FAAH2: variants seen among roughly 807,000 people sequenced by gnomAD.
FAAH2 encodes the protein fatty-acid amide hydrolase 2.
A neutral mutation model predicts 36.9 loss-of-function variants in FAAH2; 60 were observed. That is an observed-to-expected ratio of 1.63 (90% CI 1.32 to 2.02). The LOEUF is 2.02. Ranked by LOEUF, FAAH2 falls within the 30% of genes most tolerant of loss-of-function variation. The probability of loss-of-function intolerance (pLI) is 0.00; values close to 1 mark genes in which losing one functional copy is unlikely to be tolerated. For missense variants in FAAH2, 689 were observed against 397.5 expected, an observed-to-expected ratio of 1.73 and a Z score of -6.23; for synonymous variants, 214 against 143.8, an observed-to-expected ratio of 1.49 and a Z score of -3.49.
intron 5 of FAAH2, among the ~76,000 whole-genome samples, chrX:57,377,212 G>A (rs1272264044): frequency 8.9e-6 from 1 of 112,085 alleles, no homozygotes; most frequent in East Asian, 2.8e-4. Flanking sequence ...TAGTCATGAA[G>A]TCTTTGCCCA....
At chrX:57,324,053 G>A (rs759120177) in intron 3 of FAAH2, among the ~76,000 whole-genome samples, 5 of 111,661 alleles carry the variant, frequency 4.5e-5, no homozygotes, top group African/African-American at 1.3e-4. Flanking sequence ...TCAGCTTTCT[G>A]CTTATGGCTA....
At chrX:57,170,825 C>G in the FAAH2 span, among the ~76,000 whole-genome samples, 1 of 110,214 alleles carries the variant, frequency 9.1e-6, no homozygotes, top group East Asian at 2.8e-4. Flanking sequence ...CTGCCTCAAC[C>G]TCCCTAGTAG....
At chrX:57,164,924 G>A in the FAAH2 span, among the ~76,000 whole-genome samples, 26 of 112,302 alleles carry the variant, frequency 2.3e-4, no homozygotes, top group African/African-American at 7.8e-4. Flanking sequence ...CCCAAATTCA[G>A]GTTGGACCTT....
the FAAH2 span, among the ~76,000 whole-genome samples, chrX:57,248,119 G>T: frequency 8.9e-6 from 1 of 111,742 alleles, no homozygotes; most frequent in Non-Finnish European, 1.9e-5. Context: ...AGAACATATA[G>T]AATAAACAAA....
the FAAH2 span, among the ~76,000 whole-genome samples, chrX:57,197,054 TG>T: frequency 8.1e-5 from 9 of 111,647 alleles, no homozygotes; most frequent in South Asian, 2.6e-3. Context: ...GCTTCCTGGA[TG>T]TTTTTTTATT....
At chrX:57,223,321 C>T in the FAAH2 span, among the ~76,000 whole-genome samples, 1 of 111,575 alleles carries the variant, frequency 9.0e-6, no homozygotes, top group Non-Finnish European at 1.9e-5. Flanking sequence ...CTTTTTCTCT[C>T]CTCTTTACTC....
At chrX:57,471,654 A>G (rs2057169207) in intron 10 of FAAH2, among the ~76,000 whole-genome samples, 1 of 111,951 alleles carries the variant, frequency 8.9e-6, no homozygotes, top group Non-Finnish European at 1.9e-5. Flanking sequence ...TATCGTGAAA[A>G]TGGCCATACT....
chrX:57,338,988 G>A (rs1168615002), intron 4 of FAAH2, among the ~76,000 whole-genome samples: 17 of 111,280 alleles, frequency 1.5e-4, no homozygotes, highest in Non-Finnish European at 2.8e-4. Context: ...AAAGCTGGTG[G>A]CATCATGGTA....
intron 3 of FAAH2, among the ~76,000 whole-genome samples, chrX:57,318,782 G>A (rs2052924059): frequency 9.0e-6 from 1 of 111,724 alleles, no homozygotes; most frequent in Non-Finnish European, 1.9e-5. Context: ...ATAAATACTG[G>A]CAAACTGAAT....
the FAAH2 span, among the ~76,000 whole-genome samples, chrX:57,241,275 C>T: frequency 3.6e-5 from 4 of 112,355 alleles, no homozygotes; most frequent in Non-Finnish European, 5.6e-5. Context: ...CAATACTGTT[C>T]TCCACATAGG....
At chrX:57,122,697 A>G in the FAAH2 span, among the ~76,000 whole-genome samples, 2 of 112,265 alleles carry the variant, frequency 1.8e-5, no homozygotes, top group East Asian at 5.6e-4. Context: ...AACTCTGTAA[A>G]CAAAACAATG....
chrX:57,284,390 A>G (rs1394375479), upstream of FAAH2, among the ~76,000 whole-genome samples: 2 of 81,048 alleles, frequency 2.5e-5, no homozygotes, highest in Non-Finnish European at 4.1e-5. Flanking sequence ...ATATCATAAC[A>G]AAACAAAACA....
At chrX:57,205,640 T>C in the FAAH2 span, among the ~76,000 whole-genome samples, 2 of 112,352 alleles carry the variant, frequency 1.8e-5, no homozygotes, top group Admixed American at 1.9e-4. Context: ...CTTTACCTTT[T>C]GAGCCAGAAT....
chrX:57,465,031 A>T (rs977358185), intron 10 of FAAH2, among the ~76,000 whole-genome samples: 4 of 112,002 alleles, frequency 3.6e-5, no homozygotes, highest in Non-Finnish European at 1.9e-5. Flanking sequence ...AATAGAGACT[A>T]TCATTGAAGA....
chrX:57,147,939 A>G, the FAAH2 span, among the ~76,000 whole-genome samples: 1 of 111,653 alleles, frequency 9.0e-6, no homozygotes, highest in African/African-American at 3.3e-5. Context: ...TGTAATTTCA[A>G]TTTTTAAGAA....
the FAAH2 span, among the ~76,000 whole-genome samples, chrX:57,278,182 GC>G: frequency 1.8e-5 from 2 of 111,437 alleles, no homozygotes; most frequent in African/African-American, 6.5e-5. Flanking sequence ...ATACTACAAG[GC>G]TAGAGCATCC....
rs1385445888 is a variant in FAAH2 at position 57,448,718 on chromosome X, G to A, written c.1423G>A (p.Gly475Ser). Residue 475 changes from glycine to serine, a missense_variant and splice_region_variant, in exon 10 of 11, where the codon GGT (glycine) becomes AGT (serine). Physicochemically the swap from Gly to Ser is moderately conservative, Grantham distance 56 (BLOSUM62 0). Coordinates refer to ENST00000374900, the MANE Select transcript of FAAH2 (RefSeq NM_174912.4). ...LTRPFNFAYT[G>S]VFSALGLPVT... ...ACGGCCTTTCAACTTTGCTTACACA[G>A]GTACCTAATTGTATTCCTTACATTC... 8.4e-7 allele frequency: 1 copy of A among 1,188,553 alleles called. No homozygotes were observed. Among genetic ancestry groups the A allele is most frequent in the Admixed American group, 2.2e-5 (1 of 44,995 alleles).
chrX:57,232,090 G>T, the FAAH2 span, among the ~76,000 whole-genome samples: 9 of 111,750 alleles, frequency 8.1e-5, no homozygotes, highest in African/African-American at 2.9e-4. Flanking sequence ...CCCCAGTTTG[G>T]ATTGAACTGA....
chrX:57,441,451 C>G (rs1179858526), intron 8 of FAAH2, among the ~76,000 whole-genome samples: 1 of 110,473 alleles, frequency 9.1e-6, no homozygotes, highest in Admixed American at 9.7e-5. Flanking sequence ...GGTGCTATAC[C>G]CTTTATCATT....
Sources: allele counts gnomAD v4.1 joint callset (sites outside exome capture counted in the v4.1 genomes callset), GRCh38; gene constraint gnomAD v4.1.1; transcripts MANE v1.5; gene names NCBI Gene and HGNC (gene_info 2026-07-23, HGNC 2026-07-21).